The following ANKRD26 variants were observed in gnomAD, a reference collection of about 807,000 sequenced individuals.
The protein encoded by ANKRD26 is ankyrin repeat domain 26.
ANKRD26 carries 141 observed loss-of-function variants against 208.7 expected under a neutral mutation model. That is an observed-to-expected ratio of 0.68 (90% CI 0.59 to 0.78). The LOEUF (loss-of-function observed/expected upper bound fraction) is 0.78, where lower values mean the gene tolerates loss of function less well. Among genes scored for constraint, ANKRD26 ranks in the 30% least tolerant of loss-of-function variants. The probability of loss-of-function intolerance (pLI) is 0.00; values close to 1 mark genes in which losing one functional copy is unlikely to be tolerated. For synonymous variants in ANKRD26, 636 were observed against 660.4 expected (o/e 0.96, Z 0.57); for missense variants, 1,889 against 1,938.7 (o/e 0.97, Z 0.48).
intron 27 of ANKRD26, among the ~76,000 whole-genome samples, chr10:27,024,875 C>T (rs2053608402): frequency 6.6e-6 from 1 of 152,112 alleles, no homozygotes; most frequent in Non-Finnish European, 1.5e-5. Context: ...GCTCTAGAAA[C>T]ACTGTCATCA....
At chr10:27,001,817 G>A (rs1019765178), downstream of ANKRD26, among the ~76,000 whole-genome samples, 5 of 152,154 alleles carry the variant, frequency 3.3e-5, no homozygotes, top group African/African-American at 7.2e-5. Context: ...TCAGCAGCTC[G>A]ATTTTTCAGG....
At chr10:26,957,109 G>A in the ANKRD26 span, among the ~76,000 whole-genome samples, 2 of 152,168 alleles carry the variant, frequency 1.3e-5, no homozygotes, top group Non-Finnish European at 1.5e-5. Flanking sequence ...CAACATGTCA[G>A]TATAAAAGGA....
Position 27,028,900 on chromosome 10 carries a change from T to C in ANKRD26, c.3924A>G (p.Gln1308=). ...NAKLKVTVKK[Q]MDKIEELQKN... ...TCTGAAGCTCCTCAATTTTGTCCATTTGCTTTTTGACTGTAACTTTTAACT... is the reference window on the plus strand; with the variant it reads ...TCTGAAGCTCCTCAATTTTGTCCATCTGCTTTTTGACTGTAACTTTTAACT... The change falls in exon 27 of 34, where the codon CAA becomes CAG. Residue 1308 remains glutamine (Q), a synonymous_variant. Transcript: ENST00000376087. The C allele has an allele frequency of 5.6e-6, 9 of 1,613,280 alleles. No homozygotes were observed. The highest frequency in any genetic ancestry group is 7.6e-6 in the Non-Finnish European group (9 of 1,179,592).
chr10:26,963,981 G>A, the ANKRD26 span, among the ~76,000 whole-genome samples: 4 of 129,154 alleles, frequency 3.1e-5, no homozygotes, highest in African/African-American at 9.4e-5. Context: ...ATGCGTTCTC[G>A]GCTTACTGCA....
intron 29 of ANKRD26, 102 bp from the exon 30 acceptor site, chr10:27,017,894 A>C: frequency 9.3e-7 from 1 of 1,080,978 alleles, no homozygotes; most frequent in Admixed American, 2.3e-5. Context: ...AGTTGCAATA[A>C]AATGTCACCT....
intron 16 of ANKRD26, 88 bp from the exon 17 acceptor site, chr10:27,049,067 G>A (rs1589281584): frequency 1.8e-6 from 2 of 1,139,788 alleles, no homozygotes; most frequent in African/African-American, 3.1e-5. Flanking sequence ...ATTTGACTCA[G>A]TTTAACTATG....
chr10:26,967,293 T>C, the ANKRD26 span, among the ~76,000 whole-genome samples: 9 of 152,326 alleles, frequency 5.9e-5, no homozygotes, highest in Admixed American at 1.3e-4. Flanking sequence ...CCCATGTAAA[T>C]TGAAGCCCAG....
In ANKRD26 at chr10:27,100,476, A is replaced by C; in HGVS notation, c.-150T>G. The C allele has an allele frequency of 8.3e-7, 1 of 1,203,926 alleles. No homozygotes were observed. The highest frequency in any genetic ancestry group is 1.1e-6 in the Non-Finnish European group (1 of 880,586). 74.6% of individuals were successfully genotyped at this position (1,203,926 alleles called of 1,614,324 possible). Reference sequence around the variant, plus strand: ...AATCTCTCCCTCCGGGTTACCAAGCAAGCGATCCCGCTAGACACAAGTGCG... The same window carrying C: ...AATCTCTCCCTCCGGGTTACCAAGCCAGCGATCCCGCTAGACACAAGTGCG... On this transcript the variant is annotated 5_prime_UTR_variant, in exon 1 of 34. Transcript: ENST00000376087.
At chr10:27,041,430 A>C (rs926051101) in intron 20 of ANKRD26, among the ~76,000 whole-genome samples, 2 of 152,208 alleles carry the variant, frequency 1.3e-5, no homozygotes, top group Non-Finnish European at 2.9e-5. Context: ...GTCAGGCTGA[A>C]AAAACTCATA....
chr10:27,049,047 T>G (rs1432769897), intron 16 of ANKRD26, 68 bp from the exon 17 acceptor site: 2 of 1,353,822 alleles, frequency 1.5e-6, no homozygotes, highest in Non-Finnish European at 2.0e-6. Flanking sequence ...TTGTTTTCAT[T>G]GAGTTTATCA....
chr10:27,086,735 C>A, intron 4 of ANKRD26, 126 bp from the exon 5 acceptor site: 8 of 896,674 alleles, frequency 8.9e-6, no homozygotes, highest in Non-Finnish European at 1.3e-5. Flanking sequence ...TTATCCCATA[C>A]ACTTCAAATA....
In ANKRD26 at chr10:27,061,247, GAAAT is replaced by G. The variant is rs530486066; in HGVS notation, c.1364-9_1364-6del. On this transcript the variant is annotated splice_region_variant and splice_polypyrimidine_tract_variant and intron_variant, in intron 12 of 33. Transcript: ENST00000376087. ...AAGAAGGTATATAAAACACATCTAA[GAAAT>G]AATACATAATAAGCTTTCAATATTG... The G allele has an allele frequency of 5.7e-5, 89 of 1,548,784 alleles. No individual in the cohort carries two copies. The East Asian group carries it at 1.9e-3, about 33-fold the overall frequency.
At chr10:26,996,264 T>G in intron 4 of ANKRD26, among the ~76,000 whole-genome samples, 2 of 151,658 alleles carry the variant, frequency 1.3e-5, no homozygotes, top group South Asian at 4.2e-4. Context: ...CTGGGAAATA[T>G]AGTGAGAAAA....
the ANKRD26 span, among the ~76,000 whole-genome samples, chr10:26,961,154 T>C: frequency 1.3e-5 from 2 of 150,422 alleles, no homozygotes. Context: ...GAGGCGGAGG[T>C]TGCAGTGAGC....
intron 27 of ANKRD26, among the ~76,000 whole-genome samples, chr10:27,024,800 C>T (rs2053605960): frequency 1.3e-5 from 2 of 152,042 alleles, no homozygotes; most frequent in Non-Finnish European, 2.9e-5. Context: ...ATATAAAATA[C>T]TAAGTGTTAA....
chr10:27,045,210 G>T (rs2054396929), intron 18 of ANKRD26, among the ~76,000 whole-genome samples: 1 of 152,162 alleles, frequency 6.6e-6, no homozygotes, highest in Non-Finnish European at 1.5e-5. Flanking sequence ...GATCACTTGA[G>T]GTCAGGAGTT....
At chr10:27,092,553 A>G (rs183237399) in intron 3 of ANKRD26, 41 bp from the exon 4 acceptor site, 13 of 1,431,192 alleles carry the variant, frequency 9.1e-6, no homozygotes, top group African/African-American at 1.4e-5. Context: ...ATAAAATTAC[A>G]TAATTCTCGG....
the ANKRD26 span, among the ~76,000 whole-genome samples, chr10:26,965,517 A>C: frequency 6.6e-6 from 1 of 152,230 alleles, no homozygotes; most frequent in Non-Finnish European, 1.5e-5. Flanking sequence ...AAAACCCAAA[A>C]CCATGGAAAC....
At chr10:27,034,511 T>A (rs2053979166) in intron 24 of ANKRD26, among the ~76,000 whole-genome samples, 1 of 152,192 alleles carries the variant, frequency 6.6e-6, no homozygotes, top group Admixed American at 6.5e-5. Context: ...GACACTAAAA[T>A]TATTACTTCA....
Sources: allele counts gnomAD v4.1 joint callset (sites outside exome capture counted in the v4.1 genomes callset), GRCh38; gene constraint gnomAD v4.1.1; transcripts MANE v1.5; gene names NCBI Gene and HGNC (gene_info 2026-07-23, HGNC 2026-07-21).